ADGRF3: variants seen among roughly 807,000 people sequenced by gnomAD.
ADGRF3 encodes the protein adhesion G protein-coupled receptor F3, also known as G protein-coupled receptor 113.
Under a neutral mutation model 93.2 loss-of-function variants are expected in ADGRF3, and 85 were observed. That is an observed-to-expected ratio of 0.91 (90% CI 0.77 to 1.09). The LOEUF (loss-of-function observed/expected upper bound fraction) is 1.09. Ranked by LOEUF, ADGRF3 falls within the 50% of genes least tolerant of loss-of-function variation. The pLI, the probability that ADGRF3 is intolerant of heterozygous loss-of-function variation, is 0.00. For synonymous variants in ADGRF3, 534 were observed against 532.5 expected (o/e 1.00, Z -0.04); for missense variants, 1,125 against 1,246.2 (o/e 0.90, Z 1.46).
chr2:26,344,048 TAAAC>T (rs72315887), intron 1 of ADGRF3, among the ~76,000 whole-genome samples: 1,852 of 152,364 alleles, frequency 0.012, 37 homozygotes, highest in African/African-American at 0.043. Context: ...TCTGAACTGA[TAAAC>T]AATAAGTGCA....
intron 2 of ADGRF3, 47 bp from the exon 3 acceptor site, chr2:26,317,102 C>T: frequency 6.5e-7 from 1 of 1,545,428 alleles, no homozygotes; most frequent in East Asian, 2.4e-5. Context: ...AGCGAGGCCA[C>T]AAGCCGGTCC....
rs1366895979 is a variant in ADGRF3, at chr2:26,309,596, G to A, written c.2938-15C>T. The A allele has an allele frequency of 1.2e-6, 2 of 1,611,360 alleles. No individual in the cohort carries two copies. Among genetic ancestry groups the A allele is most frequent in the African/African-American group, 2.7e-5 (2 of 74,870 alleles). On this transcript the variant is annotated splice_polypyrimidine_tract_variant and intron_variant, in intron 12 of 13. Coordinates refer to ENST00000651242, the MANE Select transcript of ADGRF3 (RefSeq NM_001321971.2). The stretch of plus-strand genomic sequence containing the variant: ...TCATTTGTGGCCTAGGAAGGGGTGG[G>A]AAGGCCCAATTGCAGGGCAGTTATT...
At chr2:26,333,441 T>TAAA (rs1400931886) in intron 1 of ADGRF3, among the ~76,000 whole-genome samples, 1 of 150,434 alleles carries the variant, frequency 6.6e-6, no homozygotes, top group Non-Finnish European at 1.5e-5. Context: ...AGGTGGAAAG[T>TAAA]TCCTAGCCTC....
At chr2:26,345,611 T>G (rs918277989) in intron 1 of ADGRF3, 1 of 154,050 alleles carries the variant, frequency 6.5e-6, no homozygotes, top group Admixed American at 6.5e-5. Context: ...ACTAAATTTC[T>G]ACGGCACGCA....
rs1306180260 is a variant in ADGRF3, at chr2:26,346,133, C to T, written c.102G>A (p.Gly34=). 2 of 1,596,808 alleles carry T rather than the reference C, an allele frequency of 1.3e-6. No individual in the cohort carries two copies. The highest frequency in any genetic ancestry group is 2.3e-5 in the East Asian group (1 of 43,922). ...HTGWARMAKT[G]LPEKGQSQAG... ...GCGGCTCTCCTACCTTCTCGGGCAG[C>T]CCAGTCTTTGCCATCCTTGCCCAGC... Residue 34 remains glycine (G), a synonymous_variant, in exon 1 of 14, where the codon GGG becomes GGA. Transcript: ENST00000651242.
intron 1 of ADGRF3, among the ~76,000 whole-genome samples, chr2:26,340,747 A>G (rs905554026): frequency 2.6e-5 from 4 of 152,226 alleles, no homozygotes; most frequent in African/African-American, 9.6e-5. Flanking sequence ...TTCTTCCTCC[A>G]TTCATAGAAT....
intron 1 of ADGRF3, among the ~76,000 whole-genome samples, chr2:26,319,618 T>TTCCTTCCTTCCTTCCTTC (rs1558391141): frequency 1.8e-4 from 9 of 48,754 alleles, no homozygotes; most frequent in Admixed American, 5.3e-4. Context: ...TTCCTTCCTT[T>TTCCTTCCTTCCTTCCTTC]CTTTCTTTGT....
chr2:26,346,273 G>C lies in ADGRF3; in HGVS notation c.-39C>G. 6.2e-7 allele frequency: 1 copy of C among 1,613,546 alleles called. No homozygotes were observed. The highest frequency in any genetic ancestry group is 8.5e-7 in the Non-Finnish European group (1 of 1,179,578). Reference sequence around the variant, plus strand: ...TACGTGAGCCCGGAGCAGCTGGCTGGCTTTGATAAGTACAAGGTACCGCGG... The same window carrying C: ...TACGTGAGCCCGGAGCAGCTGGCTGCCTTTGATAAGTACAAGGTACCGCGG... On this transcript the variant is annotated 5_prime_UTR_variant, in exon 1 of 14. Coordinates refer to ENST00000651242, the MANE Select transcript of ADGRF3 (RefSeq NM_001321971.2).
intron 1 of ADGRF3, among the ~76,000 whole-genome samples, chr2:26,331,161 A>G (rs1431264992): frequency 6.6e-6 from 1 of 152,194 alleles, no homozygotes; most frequent in Admixed American, 6.5e-5. Context: ...CATTCTTGTC[A>G]GAGAAGATCA....
At chr2:26,339,435 G>A (rs932832297) in intron 1 of ADGRF3, among the ~76,000 whole-genome samples, 1 of 152,154 alleles carries the variant, frequency 6.6e-6, no homozygotes, top group Non-Finnish European at 1.5e-5. Context: ...GGCAGAGGTT[G>A]CAGTGAGCTA....
chr2:26,338,588 G>A (rs13001941), intron 1 of ADGRF3, among the ~76,000 whole-genome samples: 43,488 of 151,898 alleles, frequency 0.29, 7,117 homozygotes, highest in Middle Eastern at 0.38. Context: ...TCAGCCTCCC[G>A]AGTAGCTTAA....
chr2:26,315,165 C>T (rs947381768), intron 5 of ADGRF3, among the ~76,000 whole-genome samples: 1 of 152,206 alleles, frequency 6.6e-6, no homozygotes, highest in Admixed American at 6.5e-5. Flanking sequence ...CCACTGTCTA[C>T]ACCTGAGGGA....
In ADGRF3 at chr2:26,309,062, C is replaced by T. The variant is rs759661230; in HGVS notation, c.*24G>A. 1.9e-6 allele frequency: 3 copies of T among 1,613,890 alleles called. No individual in the cohort carries two copies. Among genetic ancestry groups the T allele is most frequent in the Non-Finnish European group, 1.7e-6 (2 of 1,179,902 alleles). ...CAAGCACACAGCCTCAACTCCCTTG[C>T]AGGAACATGGGTCCGTGTGTGGTTC... On this transcript the variant is annotated 3_prime_UTR_variant, in exon 14 of 14. Coordinates refer to ENST00000651242, the MANE Select transcript of ADGRF3 (RefSeq NM_001321971.2).
Position 26,310,989 on chromosome 2 carries a change from C to A in ADGRF3, c.2535G>T (p.Arg845Ser), listed in dbSNP as rs1424961535. The change falls in exon 10 of 14, where the codon AGG (arginine) becomes AGT (serine). Residue 845 changes from arginine (R) to serine (S), a missense_variant. Transcript: ENST00000651242. ...TCCCATCCAACCAGCATTCCCCCTC[C>A]CTCAGGTATTGCCCTTGAGGTAGGT... ...GLYLPQGQYL[R>S]EGECWLDGKG... The A allele has an allele frequency of 6.2e-7, 1 of 1,613,628 alleles. No individual in the cohort carries two copies. Among genetic ancestry groups the A allele is most frequent in the South Asian group, 1.1e-5 (1 of 90,942 alleles).
Position 26,308,305 on chromosome 2 carries a change from C to G in ADGRF3, c.*781G>C, listed in dbSNP as rs924646778. 6.6e-6 allele frequency: 1 copy of G among 152,126 alleles called. No individual in the cohort carries two copies. The highest frequency in any genetic ancestry group is 3.4e-3 in the Middle Eastern group (1 of 292). The allele number at this position is 152,126 out of a possible 1,614,324, so 9.4% of individuals were successfully genotyped here. On this transcript the variant is annotated 3_prime_UTR_variant, in exon 14 of 14. Transcript: ENST00000651242. ...TCACGTATCTAGTTTAAAAATTTCT[C>G]AGAATCCTGTCATCTTCCTCTTGTG...
intron 1 of ADGRF3, among the ~76,000 whole-genome samples, chr2:26,326,303 C>T (rs900456936): frequency 7.2e-5 from 11 of 152,128 alleles, no homozygotes; most frequent in African/African-American, 2.7e-4. Context: ...AGAATATATC[C>T]TTATCAGAAG....
chr2:26,322,343 G>A (rs6739962), intron 1 of ADGRF3, among the ~76,000 whole-genome samples: 3,719 of 151,276 alleles, frequency 0.025, 143 homozygotes, highest in African/African-American at 0.084. Context: ...GAGCTGGAGA[G>A]GTCCTCCGTA....
chr2:26,322,653 C>A (rs571643676), intron 1 of ADGRF3, among the ~76,000 whole-genome samples: 2 of 152,126 alleles, frequency 1.3e-5, no homozygotes, highest in African/African-American at 2.4e-5. Flanking sequence ...TACCTCAGTA[C>A]CCCCCAGTGC....
intron 11 of ADGRF3, 33 bp from the exon 12 acceptor site, chr2:26,310,138 GC>G: frequency 6.2e-7 from 1 of 1,614,020 alleles, no homozygotes; most frequent in Non-Finnish European, 8.5e-7. Flanking sequence ...GCTTATGCCA[GC>G]CACGGCCCCG....
Sources: allele counts gnomAD v4.1 joint callset (sites outside exome capture counted in the v4.1 genomes callset), GRCh38; gene constraint gnomAD v4.1.1; transcripts MANE v1.5; gene names NCBI Gene and HGNC (gene_info 2026-07-23, HGNC 2026-07-21).